Variants in COL28A1 observed in about 807,000 individuals in gnomAD.
COL28A1 encodes collagen type XXVIII alpha 1 chain.
A neutral mutation model predicts 150.2 loss-of-function variants in COL28A1; 161 were observed. The observed-to-expected ratio is 1.07, with a 90% confidence interval of 0.94 to 1.22. The LOEUF is 1.22. Among genes scored for constraint, COL28A1 ranks in the 50% most tolerant of loss-of-function variants. COL28A1 has a pLI of 0.00. For synonymous variants in COL28A1, 552 were observed against 469.7 expected (o/e 1.18, Z -2.26); for missense variants, 1,617 against 1,388.3 (o/e 1.16, Z -2.62).
chr7:7,483,439 G>C (rs187507966), intron 13 of COL28A1, among the ~76,000 whole-genome samples: 1 of 152,068 alleles, frequency 6.6e-6, no homozygotes, highest in Non-Finnish European at 1.5e-5. Flanking sequence ...CTTGGCTTGG[G>C]CTCATAATGA....
intron 15 of COL28A1, among the ~76,000 whole-genome samples, chr7:7,461,157 G>T (rs759005963): frequency 6.6e-6 from 1 of 152,182 alleles, no homozygotes; most frequent in Non-Finnish European, 1.5e-5. Flanking sequence ...GAACCTGAAG[G>T]TCTAGATTAT....
intron 14 of COL28A1, among the ~76,000 whole-genome samples, chr7:7,476,202 ATG>A (rs1231413109): frequency 1.3e-5 from 2 of 152,160 alleles, no homozygotes; most frequent in Non-Finnish European, 2.9e-5. Flanking sequence ...GTGTATATGC[ATG>A]TGTGTGTTTT....
At chr7:7,456,877 T>G (rs1041334591) in intron 15 of COL28A1, among the ~76,000 whole-genome samples, 1 of 152,144 alleles carries the variant, frequency 6.6e-6, no homozygotes, top group Non-Finnish European at 1.5e-5. Flanking sequence ...GAAAAATTAA[T>G]CAGGGAAGAG....
chr7:7,473,951 T>C (rs1359611228), intron 15 of COL28A1, among the ~76,000 whole-genome samples: 1 of 148,996 alleles, frequency 6.7e-6, no homozygotes, highest in Non-Finnish European at 1.5e-5. Context: ...TACTGTATAC[T>C]ATATATACAG....
intron 27 of COL28A1, among the ~76,000 whole-genome samples, chr7:7,402,504 A>C (rs1783262714): frequency 1.3e-5 from 2 of 151,926 alleles, no homozygotes; most frequent in East Asian, 3.8e-4. Context: ...TCATATTTAA[A>C]GAAAATTGCT....
At chr7:7,367,815 T>TAAAA (rs34049695) in intron 33 of COL28A1, among the ~76,000 whole-genome samples, 1 of 142,764 alleles carries the variant, frequency 7.0e-6, no homozygotes. Context: ...TATTTTCCTT[T>TAAAA]AAAAAAAAAA....
At chr7:7,474,070 A>AATATATATATATATAT (rs58897994) in intron 15 of COL28A1, among the ~76,000 whole-genome samples, 1 of 143,062 alleles carries the variant, frequency 7.0e-6, no homozygotes, top group East Asian at 2.0e-4. Flanking sequence ...ATATATATGG[A>AATATATATATATATAT]ATATATATAT....
intron 19 of COL28A1, 101 bp downstream of exon 19, chr7:7,444,317 C>T: frequency 2.0e-6 from 3 of 1,513,142 alleles, no homozygotes; most frequent in Non-Finnish European, 2.7e-6. Context: ...CTTAAAGAAA[C>T]TAAGTTTGTC....
chr7:7,489,523 T>C, intron 12 of COL28A1, 66 bp from the exon 13 acceptor site: 1 of 854,046 alleles, frequency 1.2e-6, no homozygotes, highest in Admixed American at 1.8e-5. Flanking sequence ...TAGCGCAAAG[T>C]TCTCTCAAGA....
Position 7,370,864 on chromosome 7 carries a change from A to T in COL28A1, c.2927T>A (p.Leu976Ter). Residue 976 changes from leucine to a stop codon, truncating the protein, a stop_gained, in exon 33 of 35, where the codon TTG becomes TAG. Transcript: ENST00000399429. LOFTEE classifies it high-confidence loss of function. ...AAAATCCTCACAAATTTTTTGAAAC[A>T]ATTTTTGCTTCAGGGTGTCTTTTAA... ...FTLQDTLKQK[L>*]FQKICEDFDS... 1 of 1,611,990 alleles carries T rather than the reference A, an allele frequency of 6.2e-7. No individual in the cohort carries two copies. Among genetic ancestry groups the T allele is most frequent in the Non-Finnish European group, 8.5e-7 (1 of 1,178,862 alleles).
At chr7:7,423,246 C>T (rs111459238) in intron 25 of COL28A1, among the ~76,000 whole-genome samples, 49 of 152,236 alleles carry the variant, frequency 3.2e-4, no homozygotes, top group African/African-American at 1.1e-3. Flanking sequence ...AAAACAAGAT[C>T]AACTATGTGT....
intron 23 of COL28A1, among the ~76,000 whole-genome samples, chr7:7,435,210 G>A (rs1785255386): frequency 6.6e-6 from 1 of 152,186 alleles, no homozygotes; most frequent in Non-Finnish European, 1.5e-5. Context: ...ATTGCAAACA[G>A]AAGTATATGT....
rs767715305 is a variant in COL28A1, at chr7:7,375,502, G to A, written c.2323-5C>T. The A allele has an allele frequency of 6.6e-6, 10 of 1,523,024 alleles. No homozygotes were observed. The Admixed American group carries it at 7.0e-5, about 11-fold the overall frequency. The allele number at this position is 1,523,024 out of a possible 1,614,324, so 94.3% of individuals were successfully genotyped here. On this transcript the variant is annotated splice_polypyrimidine_tract_variant and splice_region_variant and intron_variant, in intron 30 of 34. Coordinates refer to ENST00000399429, the MANE Select transcript of COL28A1 (RefSeq NM_001037763.3). ...AAGTTTGATAATTTCTTCTTTCTAG[G>A]GGATAAAAAGAAAAATGTATTACTA...
At chr7:7,484,885 A>T (rs1428645513) in intron 13 of COL28A1, among the ~76,000 whole-genome samples, 7 of 152,196 alleles carry the variant, frequency 4.6e-5, no homozygotes, top group Admixed American at 4.6e-4. Context: ...CAGAAATCCA[A>T]ATACTGCATG....
At chr7:7,344,037 A>C in the COL28A1 span, among the ~76,000 whole-genome samples, 145 of 151,940 alleles carry the variant, frequency 9.5e-4, no homozygotes, top group African/African-American at 2.6e-3. Context: ...ATAAAGGTGC[A>C]GGTGCATTTC....
chr7:7,443,769 C>A, intron 19 of COL28A1, 116 bp from the exon 20 acceptor site: 3 of 1,390,054 alleles, frequency 2.2e-6, no homozygotes, highest in Non-Finnish European at 2.9e-6. Context: ...CCAAAACACA[C>A]CATACCTTCA....
At chr7:7,354,669 C>G (rs541255969), downstream of COL28A1, among the ~76,000 whole-genome samples, 1 of 152,158 alleles carries the variant, frequency 6.6e-6, no homozygotes, top group Admixed American at 6.5e-5. Flanking sequence ...ATGTGAAACT[C>G]TAAAACTAAG....
chr7:7,361,889 G>T (rs977450269), intron 33 of COL28A1, among the ~76,000 whole-genome samples: 13 of 152,238 alleles, frequency 8.5e-5, no homozygotes, highest in Admixed American at 5.2e-4. Context: ...AGGGACATGG[G>T]TGAAGCTAGA....
intron 13 of COL28A1, among the ~76,000 whole-genome samples, chr7:7,487,939 G>A (rs1779717634): frequency 1.3e-5 from 2 of 152,122 alleles, no homozygotes; most frequent in African/African-American, 4.8e-5. Flanking sequence ...CCATGTGGAG[G>A]AGAAATGAGG....
Sources: allele counts gnomAD v4.1 joint callset (sites outside exome capture counted in the v4.1 genomes callset), GRCh38; gene constraint gnomAD v4.1.1; transcripts MANE v1.5; gene names NCBI Gene and HGNC (gene_info 2026-07-23, HGNC 2026-07-21).